The following LSG1 variants were observed in gnomAD, a reference collection of about 807,000 sequenced individuals.
LSG1 encodes large subunit GTPase 1 homolog.
A neutral mutation model predicts 82.6 loss-of-function variants in LSG1; 55 were observed. That is an observed-to-expected ratio of 0.67 (90% CI 0.54 to 0.83). The LOEUF (loss-of-function observed/expected upper bound fraction) is 0.83. Among genes scored for constraint, LSG1 ranks in the 40% least tolerant of loss-of-function variants. The probability of loss-of-function intolerance (pLI) is 0.00; values close to 1 mark genes in which losing one functional copy is unlikely to be tolerated. For missense variants in LSG1, 809 were observed against 807.9 expected (o/e 1.00, Z -0.02); for synonymous variants, 272 against 282.5 (o/e 0.96, Z 0.37).
At position 194,641,264 on chromosome 3, in the gene LSG1, C is replaced by T. The variant is rs1718372186; in HGVS notation, c.*804G>A. The T allele has an allele frequency of 6.6e-6, 1 of 152,202 alleles. No homozygotes were observed. Among genetic ancestry groups the T allele is most frequent in the East Asian group, 1.9e-4 (1 of 5,200 alleles). 9.4% of individuals were successfully genotyped at this position (152,202 alleles called of 1,614,324 possible). On this transcript the variant is annotated 3_prime_UTR_variant, in exon 14 of 14. Transcript: ENST00000265245. ...CATATTCAGAGTTGTGTGACCATCGCTACAGTCAATTTTAGGACATTTTTA... is the reference window on the plus strand; with the variant it reads ...CATATTCAGAGTTGTGTGACCATCGTTACAGTCAATTTTAGGACATTTTTA...
chr3:194,671,012 A>T (rs1719130341), intron 1 of LSG1, among the ~76,000 whole-genome samples: 1 of 152,218 alleles, frequency 6.6e-6, no homozygotes, highest in African/African-American at 2.4e-5. Context: ...ATTTGTGCCC[A>T]GAAGTTTGAG....
intron 7 of LSG1, among the ~76,000 whole-genome samples, chr3:194,655,998 A>G (rs1291623049): frequency 6.6e-6 from 1 of 152,226 alleles, no homozygotes; most frequent in Non-Finnish European, 1.5e-5. Context: ...ACAAAAATTA[A>G]TTCACGATGG....
chr3:194,659,762 T>TA (rs1718883736), intron 6 of LSG1, among the ~76,000 whole-genome samples: 1 of 152,194 alleles, frequency 6.6e-6, no homozygotes, highest in Admixed American at 6.5e-5. Flanking sequence ...TATGCTAAAA[T>TA]AAATAAAATG....
intron 2 of LSG1, among the ~76,000 whole-genome samples, chr3:194,667,713 C>T (rs980790129): frequency 2.0e-5 from 3 of 151,204 alleles, no homozygotes; most frequent in African/African-American, 7.3e-5. Context: ...CACAAGGTCA[C>T]GAGTTCGAGA....
intron 2 of LSG1, among the ~76,000 whole-genome samples, chr3:194,667,943 AT>A (rs371055375): frequency 0.17 from 10,641 of 61,054 alleles, 1,919 homozygotes; most frequent in African/African-American, 0.28. Flanking sequence ...AAAAAAAAAA[AT>A]ATATATATAT....
intron 6 of LSG1, 63 bp downstream of exon 6, chr3:194,660,010 G>T: frequency 7.4e-7 from 1 of 1,353,034 alleles, no homozygotes; most frequent in African/African-American, 1.4e-5. Flanking sequence ...CATTGCTGAG[G>T]GATGCGGTGC....
intron 10 of LSG1, 116 bp downstream of exon 10, chr3:194,650,765 C>G: frequency 9.6e-7 from 1 of 1,041,854 alleles, no homozygotes; most frequent in Non-Finnish European, 1.4e-6. Context: ...TAAACTTGTG[C>G]AGATCACTAG....
At chr3:194,669,469 G>C (rs950803802) in intron 2 of LSG1, among the ~76,000 whole-genome samples, 3 of 152,098 alleles carry the variant, frequency 2.0e-5, no homozygotes, top group African/African-American at 7.2e-5. Flanking sequence ...TCTGGCCCTT[G>C]CCCACCTCCT....
At position 194,642,946 on chromosome 3, in the gene LSG1, G is replaced by A. The variant is rs577052650; in HGVS notation, c.1798-699C>T. On this transcript the variant is annotated intron_variant, in intron 13 of 13. Coordinates refer to ENST00000265245, the MANE Select transcript of LSG1 (RefSeq NM_018385.3). ...CCCTTGGGTAACTCAGTCTCTTTGAGCCTCAGTGTCCTCAAGGAATAATAC... is the reference window on the plus strand; with the variant it reads ...CCCTTGGGTAACTCAGTCTCTTTGAACCTCAGTGTCCTCAAGGAATAATAC... Among the ~76,000 whole-genome samples the A allele has an allele frequency of 4.0e-3, 604 of 152,288 alleles. 7 individuals are homozygous for A. Among genetic ancestry groups the A allele is most frequent in the African/African-American group, 0.013 (539 of 41,558 alleles).
At chr3:194,665,185 G>A (rs1719007428) in intron 5 of LSG1, among the ~76,000 whole-genome samples, 1 of 152,166 alleles carries the variant, frequency 6.6e-6, no homozygotes, top group African/African-American at 2.4e-5. Flanking sequence ...CGGCTGACAG[G>A]AGCTCTGACA....
At chr3:194,642,739 A>C (rs1718425274) in intron 13 of LSG1, among the ~76,000 whole-genome samples, 1 of 152,234 alleles carries the variant, frequency 6.6e-6, no homozygotes, top group Non-Finnish European at 1.5e-5. Context: ...AGAAACCTGT[A>C]AACATTTAAA....
chr3:194,645,593 C>CACACACACAG (rs1560219925), intron 12 of LSG1, among the ~76,000 whole-genome samples: 1 of 100,120 alleles, frequency 1.0e-5, no homozygotes, highest in African/African-American at 4.3e-5. Flanking sequence ...CACACACACA[C>CACACACACAG]ACACACACAC....
intron 7 of LSG1, among the ~76,000 whole-genome samples, chr3:194,654,492 G>A (rs1251723221): frequency 1.3e-5 from 2 of 152,080 alleles, no homozygotes; most frequent in Non-Finnish European, 2.9e-5. Context: ...AAAATGTCAG[G>A]AAAAATAGGT....
At position 194,645,541 on chromosome 3, in the gene LSG1, C is replaced by CACACACACACACACACAGACAG. The variant is rs1718517424; in HGVS notation, c.1623+622_1623+623insCTGTCTGTGTGTGTGTGTGTGT. The CACACACACACACACACAGACAG allele has an allele frequency of 1.2e-4, 5 of 40,742 alleles. 1 individual carries two copies. The highest frequency in any genetic ancestry group is 2.7e-4 in the Admixed American group (1 of 3,688). 2.5% of individuals were successfully genotyped at this position (40,742 alleles called of 1,614,324 possible). A position where few individuals can be genotyped will look rare whatever the true frequency, so the allele number is the denominator to read the frequency against. The stretch of plus-strand genomic sequence containing the variant: ...ACACACACACACACAGACAGACACA[C>CACACACACACACACACAGACAG]ACACACACACACACACACACACACA... On this transcript the variant is annotated intron_variant, in intron 12 of 13. Transcript: ENST00000265245.
chr3:194,650,174 C>A (rs1476871020), intron 10 of LSG1, among the ~76,000 whole-genome samples: 1 of 152,238 alleles, frequency 6.6e-6, no homozygotes, highest in Non-Finnish European at 1.5e-5. Flanking sequence ...CTGCCACAGC[C>A]TCCCAAAGTG....
At chr3:194,646,827 T>C (rs1460986965) in intron 11 of LSG1, among the ~76,000 whole-genome samples, 1 of 152,218 alleles carries the variant, frequency 6.6e-6, no homozygotes, top group East Asian at 1.9e-4. Context: ...AGCCTCCTTA[T>C]TTTAAACATT....
At position 194,642,078 on chromosome 3, in the gene LSG1, A is replaced by C. The variant is rs1718405653; in HGVS notation, c.1967T>G (p.Leu656Arg). Reference protein sequence around the residue: ...KEKSRRLYKHLDM With the variant: ...KEKSRRLYKHRDM ...TGTTGCAGCCCAACCTCACATATCC[A>C]GGTGCTTGTAGAGTCTACGACTTTT... The change falls in exon 14 of 14, where the codon CTG becomes CGG. Residue 656 changes from leucine to arginine, a missense_variant. Transcript: ENST00000265245. The C allele has an allele frequency of 6.2e-7, 1 of 1,612,158 alleles. No homozygotes were observed. The highest frequency in any genetic ancestry group is 1.3e-5 in the African/African-American group (1 of 74,778).
intron 1 of LSG1, among the ~76,000 whole-genome samples, chr3:194,671,009 C>A (rs1719130290): frequency 6.6e-6 from 1 of 152,110 alleles, no homozygotes; most frequent in Non-Finnish European, 1.5e-5. Context: ...ATTATTTGTG[C>A]CCAGAAGTTT....
chr3:194,669,786 G>T lies in LSG1; in HGVS notation c.226+223C>A, dbSNP rs145382598. On this transcript the variant is annotated intron_variant, in intron 2 of 13. Transcript: ENST00000265245. ...ATCTCTACTAGAAATACAAAAATTA[G>T]CCAGGCGTGGCAGTGCGTGCCTGTA... Among the ~76,000 whole-genome samples, 1,006 of 152,214 alleles carry T rather than the reference G, an allele frequency of 6.6e-3. 7 individuals carry two copies. Among genetic ancestry groups the T allele is most frequent in the Middle Eastern group, 0.014 (4 of 294 alleles).
Sources: allele counts gnomAD v4.1 joint callset (sites outside exome capture counted in the v4.1 genomes callset), GRCh38; gene constraint gnomAD v4.1.1; transcripts MANE v1.5; gene names NCBI Gene and HGNC (gene_info 2026-07-23, HGNC 2026-07-21).